The following TRPM6 variants were observed in gnomAD, a reference collection of about 807,000 sequenced individuals.
TRPM6 encodes channel kinase 2.
TRPM6 carries 111 observed loss-of-function variants against 247.6 expected under a neutral mutation model. That is an observed-to-expected ratio of 0.45 (90% CI 0.38 to 0.52). The LOEUF (loss-of-function observed/expected upper bound fraction) is 0.52, where lower values mean the gene tolerates loss of function less well. Ranked by LOEUF, TRPM6 falls within the 20% of genes least tolerant of loss-of-function variation. The pLI, the probability that TRPM6 is intolerant of heterozygous loss-of-function variation, is 0.00. For missense variants in TRPM6, 2,126 were observed against 2,421.5 expected (o/e 0.88, Z 2.56); for synonymous variants, 892 against 853.8 (o/e 1.04, Z -0.78).
chr9:74,810,652 C>T (rs1828697878), intron 13 of TRPM6, among the ~76,000 whole-genome samples, 163 bp downstream of exon 13: 1 of 152,082 alleles, frequency 6.6e-6, no homozygotes, highest in African/African-American at 2.4e-5. Flanking sequence ...AAAAAGTGTA[C>T]GAATGTGGTT....
chr9:74,729,484 C>T (rs917419874), intron 37 of TRPM6, among the ~76,000 whole-genome samples: 37 of 152,198 alleles, frequency 2.4e-4, no homozygotes, highest in African/African-American at 8.2e-4. Context: ...CTCTTTGCTC[C>T]GAGGCGAGTA....
intron 36 of TRPM6, among the ~76,000 whole-genome samples, chr9:74,733,186 A>T (rs115398377): frequency 0.038 from 5,789 of 151,900 alleles, 363 homozygotes; most frequent in African/African-American, 0.13. Flanking sequence ...TGGGCAACAG[A>T]GCTTAACTCT....
intron 36 of TRPM6, among the ~76,000 whole-genome samples, chr9:74,736,231 C>T (rs567420003): frequency 6.6e-6 from 1 of 152,252 alleles, no homozygotes; most frequent in South Asian, 2.1e-4. Context: ...AAGTGGGACT[C>T]AAGGTGGTTG....
chr9:74,840,542 C>T (rs1393458569), intron 4 of TRPM6, among the ~76,000 whole-genome samples: 4 of 152,260 alleles, frequency 2.6e-5, no homozygotes, highest in Middle Eastern at 3.4e-3. Flanking sequence ...AGGCAGGGTG[C>T]GGTGGCTCAC....
chr9:74,828,774 A>G (rs1829443873), intron 6 of TRPM6, among the ~76,000 whole-genome samples: 1 of 151,830 alleles, frequency 6.6e-6, no homozygotes, highest in South Asian at 2.1e-4. Context: ...GTCTACAGGC[A>G]CACATCTCCA....
At chr9:74,802,510 G>T (rs1219413885) in intron 15 of TRPM6, among the ~76,000 whole-genome samples, 2 of 152,136 alleles carry the variant, frequency 1.3e-5, no homozygotes, top group Admixed American at 6.6e-5. Context: ...CCTGAGAAAT[G>T]GTTCCATCTT....
chr9:74,836,211 T>C (rs976381916), intron 5 of TRPM6, among the ~76,000 whole-genome samples: 1 of 152,232 alleles, frequency 6.6e-6, no homozygotes, highest in Non-Finnish European at 1.5e-5. Flanking sequence ...ATACTATAGT[T>C]GGAATCATAC....
chr9:74,843,253 T>C (rs1202044088), intron 3 of TRPM6, among the ~76,000 whole-genome samples: 1 of 152,192 alleles, frequency 6.6e-6, no homozygotes, highest in Non-Finnish European at 1.5e-5. Flanking sequence ...CGTAGATGTC[T>C]TGCTATTTCC....
At chr9:74,886,899 T>A (rs956750530) in intron 1 of TRPM6, among the ~76,000 whole-genome samples, 1 of 152,222 alleles carries the variant, frequency 6.6e-6, no homozygotes, top group African/African-American at 2.4e-5. Flanking sequence ...TATGTTCTTA[T>A]CAGAGCAGGC....
chr9:74,741,330 T>G (rs951814530), intron 33 of TRPM6, among the ~76,000 whole-genome samples: 1 of 151,366 alleles, frequency 6.6e-6, no homozygotes, highest in Non-Finnish European at 1.5e-5. Context: ...TATATATATA[T>G]AGAAGCATAT....
At chr9:74,761,534 A>ACCC (rs1210795489) in intron 27 of TRPM6, among the ~76,000 whole-genome samples, 162 bp downstream of exon 27, 1 of 152,124 alleles carries the variant, frequency 6.6e-6, no homozygotes, top group Non-Finnish European at 1.5e-5. Flanking sequence ...ACATAGCAAG[A>ACCC]CCCCACCCAT....
At chr9:74,851,767 TA>T (rs201650136) in intron 3 of TRPM6, among the ~76,000 whole-genome samples, 1,171 of 110,874 alleles carry the variant, frequency 0.011, 6 homozygotes, top group Non-Finnish European at 0.016. Context: ...AAAAAAAATA[TA>T]TATATATAAT....
chr9:74,856,934 A>G (rs1830545939), intron 2 of TRPM6, among the ~76,000 whole-genome samples: 2 of 152,232 alleles, frequency 1.3e-5, no homozygotes, highest in South Asian at 4.1e-4. Flanking sequence ...TCACTTGCTA[A>G]AAGTACATCA....
chr9:74,807,981 C>T, intron 14 of TRPM6, 53 bp downstream of exon 14: 2 of 1,609,688 alleles, frequency 1.2e-6, no homozygotes, highest in Non-Finnish European at 8.5e-7. Context: ...TTTTCCAAAA[C>T]AACAATTCCT....
At chr9:74,769,760 A>AAAGGAAGG (rs566504397) in intron 25 of TRPM6, among the ~76,000 whole-genome samples, 4 of 120,194 alleles carry the variant, frequency 3.3e-5, no homozygotes, top group Non-Finnish European at 5.0e-5. Flanking sequence ...CCGTTGAAAT[A>AAAGGAAGG]AAGGAAGGAA....
intron 25 of TRPM6, among the ~76,000 whole-genome samples, chr9:74,766,013 T>C (rs1309487240): frequency 6.6e-6 from 1 of 152,190 alleles, no homozygotes; most frequent in African/African-American, 2.4e-5. Flanking sequence ...AAAATATATG[T>C]ATACTCTCTT....
intron 36 of TRPM6, among the ~76,000 whole-genome samples, chr9:74,734,105 C>A (rs1004426265): frequency 6.6e-6 from 1 of 152,160 alleles, no homozygotes; most frequent in Non-Finnish European, 1.5e-5. Flanking sequence ...CAGGAATCAG[C>A]ACCTAAAGTG....
chr9:74,747,078 C>A (rs1826073913), intron 31 of TRPM6, among the ~76,000 whole-genome samples: 1 of 152,184 alleles, frequency 6.6e-6, no homozygotes, highest in African/African-American at 2.4e-5. Flanking sequence ...ATGAGTTCAA[C>A]AAGAACTGAG....
chr9:74,769,333 G>A (rs753634010), intron 25 of TRPM6, among the ~76,000 whole-genome samples: 20 of 152,130 alleles, frequency 1.3e-4, no homozygotes, highest in Middle Eastern at 3.4e-3. Context: ...ATTTTTAGTA[G>A]AGACGGGGTT....
Sources: allele counts gnomAD v4.1 joint callset (sites outside exome capture counted in the v4.1 genomes callset), GRCh38; gene constraint gnomAD v4.1.1; transcripts MANE v1.5; gene names NCBI Gene and HGNC (gene_info 2026-07-23, HGNC 2026-07-21).